DSCAM: variants seen among roughly 807,000 people sequenced by gnomAD.
DSCAM encodes cell adhesion molecule DSCAM.
DSCAM carries 47 observed loss-of-function variants against 217.7 expected under a neutral mutation model. The ratio of observed to expected loss-of-function variants is 0.22; its 90% CI spans 0.17 to 0.28. The LOEUF (loss-of-function observed/expected upper bound fraction) is 0.28. Among genes scored for constraint, DSCAM ranks in the 10% least tolerant of loss-of-function variants. DSCAM has a pLI of 1.00. For missense variants in DSCAM, 2,080 were observed against 2,618.3 expected (o/e 0.79, Z 4.49); for synonymous variants, 1,056 against 1,015.3 (o/e 1.04, Z -0.76).
At chr21:40,825,234 T>C (rs1336925834) in intron 1 of DSCAM, among the ~76,000 whole-genome samples, 1 of 152,150 alleles carries the variant, frequency 6.6e-6, no homozygotes, top group Non-Finnish European at 1.5e-5. Flanking sequence ...TACAGTTTAG[T>C]GCATATAGGT....
intron 10 of DSCAM, among the ~76,000 whole-genome samples, chr21:40,291,349 C>T (rs1269854939): frequency 6.6e-6 from 1 of 152,232 alleles, no homozygotes; most frequent in African/African-American, 2.4e-5. Flanking sequence ...TCTCCAATTA[C>T]CCAGCTAGCC....
intron 3 of DSCAM, among the ~76,000 whole-genome samples, chr21:40,441,030 C>T (rs1055914412): frequency 3.9e-5 from 6 of 152,148 alleles, no homozygotes; most frequent in Non-Finnish European, 7.3e-5. Flanking sequence ...CCCCCAACCC[C>T]AAGCTTACTC....
intron 3 of DSCAM, among the ~76,000 whole-genome samples, chr21:40,468,417 G>T (rs2075862040): frequency 6.6e-6 from 1 of 152,182 alleles, no homozygotes; most frequent in African/African-American, 2.4e-5. Flanking sequence ...GAAAGGAAGA[G>T]AAATACACTA....
intron 1 of DSCAM, among the ~76,000 whole-genome samples, chr21:40,832,152 T>G (rs1189871489): frequency 1.3e-5 from 2 of 152,236 alleles, no homozygotes; most frequent in East Asian, 1.9e-4. Flanking sequence ...TAGTCCTCAG[T>G]CTGTCATTCA....
intron 3 of DSCAM, among the ~76,000 whole-genome samples, chr21:40,485,298 A>G (rs1164546555): frequency 5.0e-5 from 7 of 139,658 alleles, no homozygotes; most frequent in African/African-American, 5.4e-5. Flanking sequence ...GAGTGAGTGC[A>G]GTGGCGCGAT....
chr21:40,509,156 T>G (rs968859530), intron 3 of DSCAM, among the ~76,000 whole-genome samples: 4 of 152,134 alleles, frequency 2.6e-5, no homozygotes, highest in African/African-American at 9.7e-5. Context: ...TGGAAGTTGA[T>G]GTCAGTCCGT....
At chr21:40,694,730 CA>C in intron 2 of DSCAM, among the ~76,000 whole-genome samples, 1 of 151,908 alleles carries the variant, frequency 6.6e-6, no homozygotes, top group Middle Eastern at 3.4e-3. Context: ...GGCAAAAATT[CA>C]GGGCGCCCAA....
In DSCAM at chr21:40,536,400, C is replaced by CT. The variant is rs35476225; in HGVS notation, c.508+156409dup. ...GAAAACCAAAGCTGACCGGTAGAGT[C>CT]TTTTTTTTTTTTTTTTTTTGAGACG... is the stretch of plus-strand genomic sequence containing the variant. On this transcript the variant is annotated intron_variant, in intron 3 of 32. Transcript: ENST00000400454. Among the ~76,000 whole-genome samples, 885 of 127,704 alleles carry CT rather than the reference C, an allele frequency of 6.9e-3. 10 individuals carry two copies. Among genetic ancestry groups the CT allele is most frequent in the South Asian group, 0.017 (69 of 3,994 alleles). 83.8% of individuals were successfully genotyped at this position (127,704 alleles called of 152,430 possible).
chr21:40,754,258 C>G (rs2091254626), intron 1 of DSCAM, among the ~76,000 whole-genome samples: 1 of 152,206 alleles, frequency 6.6e-6, no homozygotes, highest in African/African-American at 2.4e-5. Context: ...AGCCTCCTTT[C>G]TATTTTCTGC....
intron 3 of DSCAM, among the ~76,000 whole-genome samples, chr21:40,430,324 A>C (rs1329923540): frequency 6.6e-6 from 1 of 152,212 alleles, no homozygotes; most frequent in Non-Finnish European, 1.5e-5. Flanking sequence ...GGTGTTGACA[A>C]AGGAGATTAA....
intron 11 of DSCAM, among the ~76,000 whole-genome samples, chr21:40,190,691 T>C (rs930400949): frequency 2.0e-5 from 3 of 152,126 alleles, no homozygotes; most frequent in African/African-American, 7.2e-5. Flanking sequence ...CTGAGGAGCC[T>C]AGCAAAAGCT....
chr21:40,348,558 T>C (rs113048411), intron 5 of DSCAM, among the ~76,000 whole-genome samples: 3 of 150,134 alleles, frequency 2.0e-5, no homozygotes, highest in African/African-American at 7.4e-5. Context: ...GCAATCATAC[T>C]CCTAACAGTT....
At chr21:40,492,156 C>A (rs893203572) in intron 3 of DSCAM, among the ~76,000 whole-genome samples, 1 of 151,998 alleles carries the variant, frequency 6.6e-6, no homozygotes. Flanking sequence ...AAATCCTATT[C>A]TAGTGCTTCA....
Position 40,125,558 on chromosome 21 carries a change from G to A in DSCAM, c.3563-1230C>T, listed in dbSNP as rs79754432. Among the ~76,000 whole-genome samples, 1,388 of 152,296 alleles carry A rather than the reference G, an allele frequency of 9.1e-3. 21 individuals are homozygous for A. Among genetic ancestry groups the A allele is most frequent in the African/African-American group, 0.032 (1,316 of 41,562 alleles). On this transcript the variant is annotated intron_variant, in intron 19 of 32. Coordinates refer to ENST00000400454, the MANE Select transcript of DSCAM (RefSeq NM_001389.5). The stretch of plus-strand genomic sequence containing the variant: ...GGAGTTGAATGTGCTTCTCATAATC[G>A]TCACCTTGACTCTTCTAAGTCTGCA...
chr21:40,097,614 A>G (rs556794749), intron 20 of DSCAM, among the ~76,000 whole-genome samples: 31 of 152,318 alleles, frequency 2.0e-4, no homozygotes, highest in African/African-American at 7.2e-4. Flanking sequence ...CTGATATAAA[A>G]GCAATATCCG....
At chr21:40,614,031 T>G (rs1322016982) in intron 3 of DSCAM, among the ~76,000 whole-genome samples, 3 of 152,166 alleles carry the variant, frequency 2.0e-5, no homozygotes, top group South Asian at 4.1e-4. Flanking sequence ...CACCCATATA[T>G]TCCCCTGTGA....
intron 1 of DSCAM, among the ~76,000 whole-genome samples, chr21:40,798,501 C>A (rs573876028): frequency 3.9e-5 from 6 of 152,084 alleles, no homozygotes; most frequent in African/African-American, 1.4e-4. Flanking sequence ...ACCTATTTTT[C>A]AAATAACACA....
chr21:40,611,894 G>A (rs2089320754), intron 3 of DSCAM, among the ~76,000 whole-genome samples: 1 of 152,212 alleles, frequency 6.6e-6, no homozygotes, highest in South Asian at 2.1e-4. Context: ...CCTACTAAGT[G>A]ACATTTAAAC....
At chr21:40,331,534 C>CA (rs2123562026) in intron 8 of DSCAM, among the ~76,000 whole-genome samples, 1 of 152,256 alleles carries the variant, frequency 6.6e-6, no homozygotes, top group East Asian at 1.9e-4. Context: ...CAAAAAGCTG[C>CA]AGGGAAGCAG....
Sources: allele counts gnomAD v4.1 joint callset (sites outside exome capture counted in the v4.1 genomes callset), GRCh38; gene constraint gnomAD v4.1.1; transcripts MANE v1.5; gene names NCBI Gene and HGNC (gene_info 2026-07-23, HGNC 2026-07-21).